Variants in TUBA8 observed in about 807,000 individuals in gnomAD.
The protein encoded by TUBA8 is tubulin alpha-8 chain.
In TUBA8, 29 loss-of-function variants were observed where a neutral mutation model predicts 34.7. The ratio of observed to expected loss-of-function variants is 0.84; its 90% CI spans 0.62 to 1.14. The LOEUF (loss-of-function observed/expected upper bound fraction) is 1.14, where lower values mean the gene tolerates loss of function less well. TUBA8 is among the 50% of genes most tolerant of loss of function. The pLI is 0.00. For missense variants in TUBA8, 541 were observed against 599.2 expected (o/e 0.90, Z 1.01); for synonymous variants, 226 against 231.2 (o/e 0.98, Z 0.21).
At chr22:18,116,623 T>A (rs1927982960) in intron 1 of TUBA8, 1 of 152,230 alleles carries the variant, frequency 6.6e-6, no homozygotes, top group Non-Finnish European at 1.5e-5. Flanking sequence ...CTGGCCCAGC[T>A]CTGGTATCCT....
chr22:18,123,898 TAA>T (rs1928235569), intron 2 of TUBA8: 1 of 501,330 alleles, frequency 2.0e-6, no homozygotes. Context: ...TTTGTAAAGC[TAA>T]GTCTTTTTAG....
rs141954140 is a variant in TUBA8, at chr22:18,121,574, C to T, written c.99C>T (p.Asp33=). 57 of 1,614,106 alleles carry T rather than the reference C, an allele frequency of 3.5e-5. No individual in the cohort carries two copies. Among genetic ancestry groups the T allele is most frequent in the African/African-American group, 2.7e-4 (20 of 74,936 alleles). Residue 33 remains aspartate (D), a synonymous_variant, in exon 2 of 5, where the codon GAC becomes GAT. Transcript: ENST00000330423. The surrounding 1 kb of genome is among the most constrained non-coding windows in gnomAD (Gnocchi z 4.8). Reference sequence around the variant, plus strand: ...GCCTGGAACACGGCATCCAGGCAGACGGCACTTTTGATGCTCAAGCTAGCA... The same window carrying T: ...GCCTGGAACACGGCATCCAGGCAGATGGCACTTTTGATGCTCAAGCTAGCA... ...LFCLEHGIQA[D]GTFDAQASKI...
Position 18,131,058 on chromosome 22 carries a change from CTT to C in TUBA8, c.1273_1274del (p.Leu425SerfsTer8). The stretch of plus-strand genomic sequence containing the variant: ...GAGAATTTTCTGAGGCCAGGGAAGA[CTT>C]AGCTGCCCTGGAGAAGGATTATGAA... ...EGEFSEAREDLAALEKDYEEV... is the reference protein window; with the variant it reads ...EGEFSEAREDXAALEKDYEEV... On this transcript the variant is annotated frameshift_variant, in exon 5 of 5. Transcript: ENST00000330423. LOFTEE classifies it high-confidence loss of function. This position sits in a 1 kb window ranked among gnomAD's most constrained non-coding sequence, Gnocchi z 5.3. 5.0e-6 allele frequency: 8 copies of C among 1,614,180 alleles called. No individual in the cohort carries two copies. Among genetic ancestry groups the C allele is most frequent in the Middle Eastern group, 1.7e-4 (1 of 6,060 alleles).
chr22:18,123,067 G>A (rs1182403776), intron 2 of TUBA8: 1 of 114,530 alleles, frequency 8.7e-6, no homozygotes, highest in African/African-American at 3.5e-5. Context: ...CCGAGATCGC[G>A]CCACTGCACT....
At chr22:18,123,275 G>A (rs942048667) in intron 2 of TUBA8, 1 of 151,426 alleles carries the variant, frequency 6.6e-6, no homozygotes, top group African/African-American at 2.4e-5. Context: ...GTTTTTTTGA[G>A]ACGGAGTCTC....
chr22:18,128,444 C>A (rs1002527789), intron 4 of TUBA8: 1 of 152,240 alleles, frequency 6.6e-6, no homozygotes, highest in Non-Finnish European at 1.5e-5. Flanking sequence ...ACATGAACAG[C>A]TCAGCCACTC....
intron 4 of TUBA8, chr22:18,129,709 CCA>C (rs1299097200): frequency 6.6e-6 from 1 of 152,164 alleles, no homozygotes; most frequent in Non-Finnish European, 1.5e-5. Flanking sequence ...GCTGCCATTC[CCA>C]CACCAGCCCC....
At position 18,121,528 on chromosome 22, in the gene TUBA8, A is replaced by G. The variant is rs1316554589; in HGVS notation, c.53A>G (p.Asn18Ser). ...HVGQAGVQIG[N>S]ACWELFCLEH... ...GGCCAAGCGGGAGTTCAGATTGGCA[A>G]TGCCTGCTGGGAGCTCTTCTGCCTG... is the stretch of plus-strand genomic sequence containing the variant. The change falls in exon 2 of 5, where the codon AAT becomes AGT. Residue 18 changes from asparagine (N) to serine (S), a missense_variant. Asn to Ser is a conservative substitution (Grantham distance 46). Coordinates refer to ENST00000330423, the MANE Select transcript of TUBA8 (RefSeq NM_018943.3). This position sits in a 1 kb window ranked among gnomAD's most constrained non-coding sequence, Gnocchi z 4.8. 2 of 1,614,208 alleles carry G rather than the reference A, an allele frequency of 1.2e-6. No homozygotes were observed. Among genetic ancestry groups the G allele is most frequent in the Admixed American group, 1.7e-5 (1 of 60,018 alleles).
At chr22:18,112,309 C>T (rs1252845538) in intron 1 of TUBA8, 2 of 152,152 alleles carry the variant, frequency 1.3e-5, no homozygotes, top group African/African-American at 4.8e-5. Context: ...TTATATACAT[C>T]ATCTAAGTTC....
At chr22:18,116,710 G>A (rs1200629290) in intron 1 of TUBA8, 6 of 152,248 alleles carry the variant, frequency 3.9e-5, no homozygotes, top group Non-Finnish European at 7.3e-5. Flanking sequence ...TGCGTCCCAC[G>A]GGCTTCAGCA....
chr22:18,126,301 G>T lies in TUBA8; in HGVS notation c.376-53G>T. 6.4e-7 allele frequency: 1 copy of T among 1,573,076 alleles called. No individual in the cohort carries two copies. On this transcript the variant is annotated intron_variant, in intron 3 of 4. Coordinates refer to ENST00000330423, the MANE Select transcript of TUBA8 (RefSeq NM_018943.3). This position sits in a 1 kb window ranked among gnomAD's most constrained non-coding sequence, Gnocchi z 4.0. ...GGCGGTCTGGCTTTTTTACTGTGGGGTGTTCTCGGAAACTTGTCTTCATGA... is the reference window on the plus strand; with the variant it reads ...GGCGGTCTGGCTTTTTTACTGTGGGTTGTTCTCGGAAACTTGTCTTCATGA...
Position 18,131,305 on chromosome 22 carries a change from G to T in TUBA8, c.*169G>T. 3.0e-6 allele frequency: 2 copies of T among 672,110 alleles called. No individual in the cohort carries two copies. The highest frequency in any genetic ancestry group is 5.1e-6 in the Non-Finnish European group (2 of 391,284). 41.6% of individuals were successfully genotyped at this position (672,110 alleles called of 1,614,324 possible). A position where few individuals can be genotyped will look rare whatever the true frequency, so the allele number is the denominator to read the frequency against. The stretch of plus-strand genomic sequence containing the variant: ...GGCACGACTGGGCTAAGTGGACACT[G>T]AGCTTCATCAGGCCCTCCCTGGGTA... On this transcript the variant is annotated 3_prime_UTR_variant, in exon 5 of 5. Coordinates refer to ENST00000330423, the MANE Select transcript of TUBA8 (RefSeq NM_018943.3). This position sits in a 1 kb window ranked among gnomAD's most constrained non-coding sequence, Gnocchi z 5.3.
rs1232411761 is a variant in TUBA8, at chr22:18,121,181, T to C, written c.4-298T>C. 2 of 401,856 alleles carry C rather than the reference T, an allele frequency of 5.0e-6. No homozygotes were observed. Among genetic ancestry groups the C allele is most frequent in the Admixed American group, 3.7e-5 (1 of 27,290 alleles). 24.9% of individuals were successfully genotyped at this position (401,856 alleles called of 1,614,324 possible). A position where few individuals can be genotyped will look rare whatever the true frequency, so the allele number is the denominator to read the frequency against. ...GCCTTCTTCACCAGTGCAGGAATCT[T>C]GTGGTTTGGAATTAGCCCCTTGCTT... On this transcript the variant is annotated intron_variant, in intron 1 of 4. Transcript: ENST00000330423. This position sits in a 1 kb window ranked among gnomAD's most constrained non-coding sequence, Gnocchi z 4.8.
chr22:18,116,158 G>C (rs969837642), intron 1 of TUBA8: 1 of 152,352 alleles, frequency 6.6e-6, no homozygotes, highest in African/African-American at 2.4e-5. Flanking sequence ...AGCTGCACAC[G>C]TGGGCCCTGA....
chr22:18,121,979 A>G lies in TUBA8; in HGVS notation c.226+278A>G, dbSNP rs1213732512. On this transcript the variant is annotated intron_variant, in intron 2 of 4. Transcript: ENST00000330423. The surrounding 1 kb of genome is among the most constrained non-coding windows in gnomAD (Gnocchi z 4.8). ...ATGGTCACATCGCTACTAAATACTA[A>G]GGATAAGAAAATCCAAATAATTTTA... 6.8e-6 allele frequency: 3 copies of G among 439,802 alleles called. No homozygotes were observed. Among genetic ancestry groups the G allele is most frequent in the Admixed American group, 3.6e-5 (1 of 27,690 alleles). 27.2% of individuals were successfully genotyped at this position (439,802 alleles called of 1,614,324 possible).
At chr22:18,122,020 C>G in intron 2 of TUBA8, 1 of 324,588 alleles carries the variant, frequency 3.1e-6, no homozygotes, top group South Asian at 3.8e-5. Flanking sequence ...TATAAGACAC[C>G]CCTAAGTGAG....
chr22:18,116,727 CT>C (rs1184422078), intron 1 of TUBA8: 2 of 152,294 alleles, frequency 1.3e-5, no homozygotes, highest in Non-Finnish European at 2.9e-5. Context: ...AGCACTGGGT[CT>C]GCTCTGTGGA....
rs895686282 is a variant in TUBA8, at chr22:18,130,953, C to A, written c.1167C>A (p.Ala389=). Reference sequence around the variant, plus strand: ...CCACGGCCATTGCGGAGGCCTGGGCCCGCCTCGACCACAAGTTCGACCTCA... The same window carrying A: ...CCACGGCCATTGCGGAGGCCTGGGCACGCCTCGACCACAAGTTCGACCTCA... ...SNTTAIAEAW[A]RLDHKFDLMY... The change falls in exon 5 of 5, where the codon GCC becomes GCA. Residue 389 remains alanine (A), a synonymous_variant. Transcript: ENST00000330423. 1 of 1,614,004 alleles carries A rather than the reference C, an allele frequency of 6.2e-7. No individual in the cohort carries two copies. The highest frequency in any genetic ancestry group is 8.5e-7 in the Non-Finnish European group (1 of 1,180,034).
At chr22:18,128,562 CCT>C (rs1246140945) in intron 4 of TUBA8, 1 of 152,082 alleles carries the variant, frequency 6.6e-6, no homozygotes, top group Non-Finnish European at 1.5e-5. Flanking sequence ...GTATTTTTCC[CCT>C]GAGATGGAGT....
Sources: allele counts gnomAD v4.1 joint callset, GRCh38; gene constraint gnomAD v4.1.1; non-coding constraint Gnocchi (gnomAD v3.1); transcripts MANE v1.5; gene names NCBI Gene and HGNC (gene_info 2026-07-23, HGNC 2026-07-21).